Variants in DEPTOR observed in about 807,000 individuals in gnomAD.
DEPTOR encodes DEP domain-containing mTOR-interacting protein.
In DEPTOR, 41 loss-of-function variants were observed where a neutral mutation model predicts 41.6. The observed-to-expected ratio is 0.98, with a 90% CI of 0.77 to 1.28. DEPTOR has a LOEUF of 1.28. DEPTOR is among the 50% of genes most tolerant of loss of function. The probability of loss-of-function intolerance (pLI) is 0.00; values close to 1 mark genes in which losing one functional copy is unlikely to be tolerated. For synonymous variants in DEPTOR, 195 were observed against 192.3 expected (o/e 1.01, Z -0.12); for missense variants, 514 against 527.9 (o/e 0.97, Z 0.26).
chr8:119,959,946 T>C (rs551425839), intron 3 of DEPTOR, among the ~76,000 whole-genome samples: 1 of 152,184 alleles, frequency 6.6e-6, no homozygotes, highest in Admixed American at 6.5e-5. Flanking sequence ...TGTACATTCA[T>C]GGGCCAGGCG....
Position 119,912,921 on chromosome 8 carries a change from TTTTG to T in DEPTOR, c.123-15467_123-15464del, listed in dbSNP as rs1230715096. On this transcript the variant is annotated intron_variant, in intron 1 of 8. Coordinates refer to ENST00000286234, the MANE Select transcript of DEPTOR (RefSeq NM_022783.4). ...CTAGCTTTGTTTTTTTGTTTTTGTTTTTTGTTTGTTTGTTTTTGAGATGGAGTCT... is the reference window on the plus strand; with the variant it reads ...CTAGCTTTGTTTTTTTGTTTTTGTTTTTTGTTTGTTTTTGAGATGGAGTCT... Among the ~76,000 whole-genome samples the T allele has an allele frequency of 2.0e-5, 3 of 152,278 alleles. 1 individual carries two copies. The highest frequency in any genetic ancestry group is 4.2e-4 in the South Asian group (2 of 4,818).
At chr8:119,939,649 G>C (rs752044568) in intron 3 of DEPTOR, among the ~76,000 whole-genome samples, 13 of 151,892 alleles carry the variant, frequency 8.6e-5, no homozygotes, top group Non-Finnish European at 1.8e-4. Flanking sequence ...CATCATGCCC[G>C]GTTTTAGTAG....
intron 4 of DEPTOR, among the ~76,000 whole-genome samples, chr8:119,973,734 T>G (rs1234131310): frequency 6.6e-6 from 1 of 152,238 alleles, no homozygotes; most frequent in East Asian, 1.9e-4. Context: ...TTTAGAACTT[T>G]AGTCAGAGCA....
At chr8:119,889,480 G>A (rs1056570567) in intron 1 of DEPTOR, among the ~76,000 whole-genome samples, 2 of 149,848 alleles carry the variant, frequency 1.3e-5, no homozygotes, top group African/African-American at 2.5e-5. Flanking sequence ...CCAGGAGGTC[G>A]AGACTGCAGT....
rs113285513 is a variant in DEPTOR at position 119,975,901 on chromosome 8, G to A, written c.604+10491G>A. On this transcript the variant is annotated intron_variant, in intron 4 of 8. Transcript: ENST00000286234. The stretch of plus-strand genomic sequence containing the variant: ...TTTTTTTTTTTTTTTTTTTTTTTGA[G>A]ATGGAGTCTCACTTTGTTGCCCAGG... Among the ~76,000 whole-genome samples, 413 of 113,712 alleles carry A rather than the reference G, an allele frequency of 3.6e-3. 2 individuals are homozygous for A. Among genetic ancestry groups the A allele is most frequent in the African/African-American group, 0.014 (394 of 27,892 alleles). 74.6% of individuals were successfully genotyped at this position (113,712 alleles called of 152,430 possible).
chr8:120,008,848 A>G (rs1812488575), intron 7 of DEPTOR, among the ~76,000 whole-genome samples, 181 bp from the exon 8 acceptor site: 1 of 152,130 alleles, frequency 6.6e-6, no homozygotes, highest in South Asian at 2.1e-4. Context: ...CACCTTTTCT[A>G]CAGGGAGATG....
intron 3 of DEPTOR, among the ~76,000 whole-genome samples, chr8:119,961,208 G>C (rs999361539): frequency 1.3e-5 from 2 of 151,960 alleles, no homozygotes; most frequent in African/African-American, 4.8e-5. Flanking sequence ...CCTGAGGTTG[G>C]GAGTTCGAGA....
At chr8:120,022,177 A>AAAAAAAAAAAAAAAAAAAAC (rs1812729301) in intron 8 of DEPTOR, among the ~76,000 whole-genome samples, 1 of 151,386 alleles carries the variant, frequency 6.6e-6, no homozygotes, top group African/African-American at 2.4e-5. Context: ...AAAAAAAAAA[A>AAAAAAAAAAAAAAAAAAAAC]AGATGCATGG....
At chr8:119,930,116 A>G (rs928795739) in intron 3 of DEPTOR, among the ~76,000 whole-genome samples, 178 bp downstream of exon 3, 2 of 152,298 alleles carry the variant, frequency 1.3e-5, no homozygotes, top group Middle Eastern at 3.4e-3. Context: ...AAATAAGTCA[A>G]TTTCATAAGG....
intron 3 of DEPTOR, among the ~76,000 whole-genome samples, chr8:119,964,515 CAAAAAAAAAAAAAAAAAAA>C (rs536731714): frequency 1.6e-5 from 2 of 121,680 alleles, no homozygotes; most frequent in African/African-American, 3.3e-5. Context: ...AAGCCCGTCT[CAAAAAAAAAAAAAAAAAAA>C]AAAAAAAAAA....
At chr8:119,949,009 C>T (rs1313306563) in intron 3 of DEPTOR, among the ~76,000 whole-genome samples, 2 of 152,218 alleles carry the variant, frequency 1.3e-5, no homozygotes, top group African/African-American at 4.8e-5. Context: ...CAGTCTCAAA[C>T]TCCTGACCTC....
intron 1 of DEPTOR, among the ~76,000 whole-genome samples, chr8:119,904,965 C>CTTTTTTTTTTTTTTTTTTTTTTTT (rs71304920): frequency 1.2e-5 from 1 of 85,970 alleles, no homozygotes; most frequent in Non-Finnish European, 2.1e-5. Flanking sequence ...CTAATTTTTG[C>CTTTTTTTTTTTTTTTTTTTTTTTT]TTTTTTTTTT....
intron 1 of DEPTOR, among the ~76,000 whole-genome samples, chr8:119,877,099 T>C (rs984221702): frequency 6.6e-6 from 1 of 152,182 alleles, no homozygotes; most frequent in Non-Finnish European, 1.5e-5. Context: ...ATGTTTAGCC[T>C]CTCTGTGTCT....
intron 2 of DEPTOR, among the ~76,000 whole-genome samples, 194 bp downstream of exon 2, chr8:119,928,772 G>A (rs1378451980): frequency 1.9e-5 from 2 of 104,172 alleles, no homozygotes; most frequent in African/African-American, 3.7e-5. Flanking sequence ...TGTATTTTTA[G>A]TAGAGACCGG....
intron 8 of DEPTOR, among the ~76,000 whole-genome samples, chr8:120,037,784 G>A (rs1283786811): frequency 6.6e-6 from 1 of 152,072 alleles, no homozygotes; most frequent in Non-Finnish European, 1.5e-5. Context: ...GCCAGATATG[G>A]CCCAGGTGTA....
intron 3 of DEPTOR, among the ~76,000 whole-genome samples, chr8:119,930,869 C>G (rs747977390): frequency 1.3e-5 from 2 of 152,072 alleles, no homozygotes; most frequent in African/African-American, 4.8e-5. Context: ...AGCAATGGCA[C>G]GTGCTTTGTA....
chr8:120,029,452 G>A (rs2130165943), intron 8 of DEPTOR, among the ~76,000 whole-genome samples: 1 of 152,204 alleles, frequency 6.6e-6, no homozygotes, highest in Middle Eastern at 3.4e-3. Flanking sequence ...CTGGAGTACA[G>A]TGGCATGATC....
chr8:119,938,568 A>G (rs1247222537), intron 3 of DEPTOR, among the ~76,000 whole-genome samples: 1 of 152,094 alleles, frequency 6.6e-6, no homozygotes, highest in Admixed American at 6.6e-5. Context: ...GCTGGAGTAC[A>G]GTGGCACAAT....
chr8:120,020,550 T>C (rs534983126), intron 8 of DEPTOR, among the ~76,000 whole-genome samples: 1 of 152,278 alleles, frequency 6.6e-6, no homozygotes, highest in African/African-American at 2.4e-5. Flanking sequence ...CTCCTTCTCA[T>C]TCTTTTCATC....
Sources: gnomAD v4.1 joint callset for allele counts (sites outside exome capture counted in the v4.1 genomes callset) on GRCh38, gnomAD v4.1.1 for gene constraint, MANE v1.5 for transcripts, NCBI Gene and HGNC (gene_info 2026-07-23, HGNC 2026-07-21) for gene names.